CA10: variants seen among roughly 807,000 people sequenced by gnomAD.
The protein encoded by CA10 is carbonic anhydrase-related protein 10.
CA10 carries 14 observed loss-of-function variants against 44.2 expected under a neutral mutation model. The observed-to-expected ratio is 0.32, with a 90% CI of 0.21 to 0.50. The LOEUF is 0.50. Ranked by LOEUF, CA10 falls within the 20% of genes least tolerant of loss-of-function variation. The probability of loss-of-function intolerance (pLI) is 0.99; values close to 1 mark genes in which losing one functional copy is unlikely to be tolerated. For missense variants in CA10, 350 were observed against 409.7 expected (o/e 0.85, Z 1.26); for synonymous variants, 159 against 141.6 (o/e 1.12, Z -0.87).
At chr17:51,689,619 A>C (rs1915119696) in intron 4 of CA10, among the ~76,000 whole-genome samples, 1 of 152,150 alleles carries the variant, frequency 6.6e-6, no homozygotes, top group East Asian at 1.9e-4. Flanking sequence ...ACAGCTTTCT[A>C]TTTTATGTGG....
intron 3 of CA10, among the ~76,000 whole-genome samples, chr17:51,878,900 G>A (rs1198161820): frequency 4.5e-5 from 5 of 111,558 alleles, no homozygotes; most frequent in African/African-American, 1.5e-4. Context: ...ATGGGTGTGT[G>A]TGTGTGTGTG....
At chr17:51,705,974 G>C (rs1915751061) in intron 4 of CA10, among the ~76,000 whole-genome samples, 1 of 152,202 alleles carries the variant, frequency 6.6e-6, no homozygotes, top group African/African-American at 2.4e-5. Flanking sequence ...AATTGTTCCT[G>C]AGTGTGGTTA....
intron 3 of CA10, among the ~76,000 whole-genome samples, chr17:51,793,006 A>G (rs147852004): frequency 1.3e-5 from 2 of 152,328 alleles, no homozygotes; most frequent in East Asian, 3.9e-4. Flanking sequence ...CCGTTAAGGA[A>G]CTGCTTTTCT....
chr17:51,903,651 T>C (rs529325998), intron 3 of CA10, among the ~76,000 whole-genome samples: 291 of 152,212 alleles, frequency 1.9e-3, no homozygotes, highest in African/African-American at 6.5e-3. Flanking sequence ...TCTAATTTTT[T>C]CCCCTCCTAC....
intron 1 of CA10, among the ~76,000 whole-genome samples, chr17:52,109,746 T>A (rs1029387947): frequency 6.6e-6 from 1 of 152,210 alleles, no homozygotes; most frequent in Non-Finnish European, 1.5e-5. Context: ...TCTCTCCATC[T>A]CCACTATTAC....
intron 4 of CA10, among the ~76,000 whole-genome samples, chr17:51,665,752 T>G (rs1914183003): frequency 6.6e-6 from 1 of 152,198 alleles, no homozygotes; most frequent in Admixed American, 6.5e-5. Flanking sequence ...TAGAAAAGGC[T>G]CAATCAAAAT....
At chr17:51,644,113 T>A (rs1355039251) in intron 6 of CA10, among the ~76,000 whole-genome samples, 2 of 152,154 alleles carry the variant, frequency 1.3e-5, no homozygotes, top group Admixed American at 6.5e-5. Context: ...CTTGTATGAA[T>A]TTCCTGGCAT....
At chr17:52,124,011 T>A (rs1446484852) in intron 1 of CA10, among the ~76,000 whole-genome samples, 1 of 152,222 alleles carries the variant, frequency 6.6e-6, no homozygotes, top group Admixed American at 6.5e-5. Flanking sequence ...ATCAATGACA[T>A]GTTCCACAGA....
chr17:51,835,268 G>A (rs1908433623), intron 3 of CA10, among the ~76,000 whole-genome samples: 1 of 152,194 alleles, frequency 6.6e-6, no homozygotes, highest in South Asian at 2.1e-4. Context: ...AGGTGGGGCA[G>A]ATGCTTTCAG....
At chr17:51,904,795 T>C (rs538470051) in intron 3 of CA10, among the ~76,000 whole-genome samples, 59 of 152,224 alleles carry the variant, frequency 3.9e-4, no homozygotes, top group African/African-American at 1.3e-3. Flanking sequence ...CTGCTTCTCA[T>C]GCCTATCGGA....
At chr17:51,840,531 TA>T (rs1423038493) in intron 3 of CA10, among the ~76,000 whole-genome samples, 1 of 151,912 alleles carries the variant, frequency 6.6e-6, no homozygotes, top group Non-Finnish European at 1.5e-5. Context: ...TATAGTTTCT[TA>T]TATCTATAAT....
chr17:51,873,483 A>G (rs570744738), intron 3 of CA10, among the ~76,000 whole-genome samples: 122 of 152,336 alleles, frequency 8.0e-4, no homozygotes, highest in African/African-American at 2.7e-3. Flanking sequence ...GCAAAAAACT[A>G]CATCTCCCAC....
intron 2 of CA10, among the ~76,000 whole-genome samples, chr17:51,956,830 G>A (rs1252794932): frequency 6.6e-6 from 1 of 151,824 alleles, no homozygotes; most frequent in Non-Finnish European, 1.5e-5. Context: ...CACACCCAAA[G>A]CAGAGGGAAA....
chr17:52,015,650 G>A (rs1332953011), intron 2 of CA10, among the ~76,000 whole-genome samples: 6 of 152,216 alleles, frequency 3.9e-5, no homozygotes, highest in Non-Finnish European at 8.8e-5. Context: ...GGTACATAAA[G>A]TTCTTTGTGT....
At chr17:52,025,068 C>G (rs1473542941) in intron 2 of CA10, among the ~76,000 whole-genome samples, 2 of 152,054 alleles carry the variant, frequency 1.3e-5, no homozygotes, top group East Asian at 2.0e-4. Context: ...CATCCCAAAA[C>G]CTTCCCTCCC....
rs747725754 is a variant in CA10, at chr17:51,633,639, C to T, written c.801G>A (p.Leu267=). 1 of 1,613,596 alleles carries T rather than the reference C, an allele frequency of 6.2e-7. No individual in the cohort carries two copies. Among genetic ancestry groups the T allele is most frequent in the Non-Finnish European group, 8.5e-7 (1 of 1,179,764 alleles). ...ATGGCTGGTTCTGGCTGAGCAGGCG[C>T]AAGGAATGCATCTGAGGAGAGAGAA... ...VYITRMQMHS[L]RLLSQNQPSQ... The change falls in exon 8 of 9, where the codon TTG becomes TTA. Residue 267 remains leucine, a synonymous_variant. Coordinates refer to ENST00000451037, the MANE Select transcript of CA10 (RefSeq NM_020178.5).
intron 2 of CA10, among the ~76,000 whole-genome samples, chr17:52,018,192 G>A (rs1598168675): frequency 6.6e-6 from 1 of 152,116 alleles, no homozygotes; most frequent in Non-Finnish European, 1.5e-5. Flanking sequence ...TGGGGTTGGA[G>A]CCCCCATACA....
At chr17:51,646,929 G>A (rs1352635867) in intron 6 of CA10, among the ~76,000 whole-genome samples, 2 of 152,134 alleles carry the variant, frequency 1.3e-5, no homozygotes, top group Non-Finnish European at 2.9e-5. Context: ...TGAATTATAG[G>A]AGCACAAAAT....
Position 52,026,756 on chromosome 17 carries a change from G to A in CA10, c.136+45563C>T, listed in dbSNP as rs564129998. Among the ~76,000 whole-genome samples the A allele has an allele frequency of 8.5e-5, 13 of 152,162 alleles. No individual in the cohort carries two copies. In the South Asian group the frequency reaches 2.3e-3, roughly 27 times the overall value. ...ATGAGAACAGCAGCATGGGGGTAAC[G>A]ACCCCTATGATTCAATTACCTCTCA... On this transcript the variant is annotated intron_variant, in intron 2 of 8. Transcript: ENST00000451037.
Sources: gnomAD v4.1 joint callset for allele counts (sites outside exome capture counted in the v4.1 genomes callset) on GRCh38, gnomAD v4.1.1 for gene constraint, MANE v1.5 for transcripts, NCBI Gene and HGNC (gene_info 2026-07-23, HGNC 2026-07-21) for gene names.